PHF11: variants seen among roughly 807,000 people sequenced by gnomAD.
PHF11 encodes the protein BRCA1 C-terminus-associated protein.
In PHF11, 38 loss-of-function variants were observed where a neutral mutation model predicts 40.5. That is an observed-to-expected ratio of 0.94 (90% confidence interval 0.72 to 1.23). The LOEUF (loss-of-function observed/expected upper bound fraction) is 1.23. PHF11 is among the 50% of genes most tolerant of loss of function. The pLI, the probability that PHF11 is intolerant of heterozygous loss-of-function variation, is 0.00. For synonymous variants in PHF11, 127 were observed against 138.2 expected, an observed-to-expected ratio of 0.92 and a Z score of 0.57; for missense variants, 369 against 392.4, an observed-to-expected ratio of 0.94 and a Z score of 0.50.
intron 8 of PHF11, 78 bp from the exon 9 acceptor site, chr13:49,526,309 T>G: frequency 1.1e-6 from 1 of 879,376 alleles, no homozygotes; most frequent in Non-Finnish European, 1.9e-6. Context: ...CTTTCCCCTG[T>G]TTTGGATTAC....
chr13:49,510,216 G>T (rs1191469617), intron 2 of PHF11, among the ~76,000 whole-genome samples: 1 of 151,982 alleles, frequency 6.6e-6, no homozygotes, highest in Non-Finnish European at 1.5e-5. Flanking sequence ...TGTAGAGATG[G>T]GGTTTTGCCA....
At chr13:49,496,948 C>T (rs1363873470) in intron 1 of PHF11, 2 of 627,208 alleles carry the variant, frequency 3.2e-6, no homozygotes, top group Non-Finnish European at 4.5e-6. Flanking sequence ...ATTCTCCTGC[C>T]TCAGCCTCCC....
chr13:49,502,330 A>C (rs571578715), intron 1 of PHF11, among the ~76,000 whole-genome samples: 2 of 151,792 alleles, frequency 1.3e-5, no homozygotes, highest in Non-Finnish European at 2.9e-5. Context: ...AATTAAAATA[A>C]ATTAAAATTC....
In PHF11 at chr13:49,504,944, C is replaced by T. The variant is rs968919346; in HGVS notation, c.95-1691C>T. Among the ~76,000 whole-genome samples, 39 of 149,744 alleles carry T rather than the reference C, an allele frequency of 2.6e-4. 1 individual carries two copies. The highest frequency in any genetic ancestry group is 1.9e-3 in the Admixed American group (29 of 15,030). On this transcript the variant is annotated intron_variant, in intron 1 of 9. Coordinates refer to ENST00000378319, the MANE Select transcript of PHF11 (RefSeq NM_001040443.3). Reference sequence around the variant, plus strand: ...AACCCTGTGCTCTCTGAAACATGTGCTGTGTCCACTCAGGGTTAAATGGAT... The same window carrying T: ...AACCCTGTGCTCTCTGAAACATGTGTTGTGTCCACTCAGGGTTAAATGGAT...
intron 9 of PHF11, among the ~76,000 whole-genome samples, chr13:49,526,914 G>A (rs923333151): frequency 2.6e-5 from 4 of 152,250 alleles, no homozygotes; most frequent in Admixed American, 6.5e-5. Context: ...CTTGGGTGGC[G>A]AGGCTATGAT....
At chr13:49,516,069 G>A (rs552751966) in intron 3 of PHF11, among the ~76,000 whole-genome samples, 2 of 152,110 alleles carry the variant, frequency 1.3e-5, no homozygotes, top group East Asian at 3.9e-4. Flanking sequence ...TTGCATCTGG[G>A]AGCTCTTACT....
At chr13:49,527,549 A>G (rs1312058759) in intron 9 of PHF11, among the ~76,000 whole-genome samples, 2 of 152,230 alleles carry the variant, frequency 1.3e-5, no homozygotes, top group Non-Finnish European at 2.9e-5. Context: ...CCAGCAGGAA[A>G]AATACTTTGA....
At chr13:49,521,475 C>G (rs1959187344) in intron 5 of PHF11, 1 of 986,124 alleles carries the variant, frequency 1.0e-6, no homozygotes, top group Admixed American at 6.1e-5. Context: ...AGACTTCGTT[C>G]TGCGTCATGC....
intron 3 of PHF11, among the ~76,000 whole-genome samples, chr13:49,517,029 T>C (rs1472532203): frequency 6.6e-6 from 1 of 152,232 alleles, no homozygotes; most frequent in Non-Finnish European, 1.5e-5. Context: ...GTTCGAGCTT[T>C]AATCCATGTA....
At chr13:49,501,024 T>TTTTTTTG (rs1958899838) in intron 1 of PHF11, among the ~76,000 whole-genome samples, 1 of 147,342 alleles carries the variant, frequency 6.8e-6, no homozygotes, top group Non-Finnish European at 1.5e-5. Context: ...TTGGTTTTTT[T>TTTTTTTG]TTTTCTGAAA....
chr13:49,521,029 G>C, intron 5 of PHF11, 89 bp downstream of exon 5: 1 of 1,445,924 alleles, frequency 6.9e-7, no homozygotes, highest in South Asian at 1.4e-5. Flanking sequence ...TAGCCTCGTT[G>C]AATTAAAATA....
chr13:49,516,404 A>G (rs915033155), intron 3 of PHF11, among the ~76,000 whole-genome samples: 11 of 151,136 alleles, frequency 7.3e-5, no homozygotes, highest in Non-Finnish European at 5.9e-5. Flanking sequence ...AAATGAATAA[A>G]TGTTTATTAG....
In PHF11 at chr13:49,524,147, C is replaced by G. The variant is rs754049771; in HGVS notation, c.700C>G (p.Leu234Val). 16 of 1,604,788 alleles carry G rather than the reference C, an allele frequency of 1.0e-5. No homozygotes were observed. The highest frequency in any genetic ancestry group is 1.4e-5 in the Non-Finnish European group (16 of 1,172,294). The change falls in exon 8 of 10, where the codon CTT becomes GTT. Residue 234 changes from leucine (L) to valine (V), a missense_variant. Coordinates refer to ENST00000378319, the MANE Select transcript of PHF11 (RefSeq NM_001040443.3). ...CKEAGLLNYLLEEILDKVHSI... is the reference protein window; with the variant it reads ...CKEAGLLNYLVEEILDKVHSI... ...GGAAGCAGGACTTCTTAATTACTTA[C>G]TTGAAGAAATATTAGACAAAGTTCA...
At chr13:49,504,323 A>G (rs1043758899) in intron 1 of PHF11, among the ~76,000 whole-genome samples, 68 of 151,996 alleles carry the variant, frequency 4.5e-4, no homozygotes, top group Admixed American at 3.4e-3. Flanking sequence ...ATGGTGGCCT[A>G]TATCTGTGGT....
intron 2 of PHF11, among the ~76,000 whole-genome samples, chr13:49,509,412 C>T (rs1020118602): frequency 2.6e-5 from 4 of 152,058 alleles, no homozygotes; most frequent in African/African-American, 7.3e-5. Flanking sequence ...TGGGGTTTCA[C>T]GTGTTAGCCA....
In PHF11 at chr13:49,524,100, T is replaced by C; in HGVS notation, c.653T>C (p.Val218Ala). 1 of 1,607,200 alleles carries C rather than the reference T, an allele frequency of 6.2e-7. No individual in the cohort carries two copies. Among genetic ancestry groups the C allele is most frequent in the Non-Finnish European group, 8.5e-7 (1 of 1,176,426 alleles). Residue 218 changes from valine (V) to alanine (A), a missense_variant, in exon 8 of 10, where the codon GTT becomes GCT. Transcript: ENST00000378319. ...HGRHTDATVK[V>A]PFLKKCKEAG... ...TTATTCTTAGATGCAACTGTGAAAG[T>C]TCCTTTTCTTAAGAAATGCAAGGAA...
At chr13:49,503,926 G>T (rs548775877) in intron 1 of PHF11, among the ~76,000 whole-genome samples, 2 of 152,206 alleles carry the variant, frequency 1.3e-5, no homozygotes, top group East Asian at 3.9e-4. Context: ...GTAGTGACAT[G>T]TTGGCCAAGC....
At chr13:49,520,987 A>G (rs1959185069) in intron 5 of PHF11, 47 bp downstream of exon 5, 2 of 1,521,086 alleles carry the variant, frequency 1.3e-6, no homozygotes, top group Non-Finnish European at 1.8e-6. Context: ...AAAGGTAAAC[A>G]TTTATGTAAC....
At chr13:49,506,295 G>A (rs759409325) in intron 1 of PHF11, among the ~76,000 whole-genome samples, 4 of 151,532 alleles carry the variant, frequency 2.6e-5, no homozygotes, top group Non-Finnish European at 5.9e-5. Context: ...CCAGTGACTT[G>A]AGAGGACCAC....
Sources: allele counts gnomAD v4.1 joint callset (sites outside exome capture counted in the v4.1 genomes callset), GRCh38; gene constraint gnomAD v4.1.1; transcripts MANE v1.5; gene names NCBI Gene and HGNC (gene_info 2026-07-23, HGNC 2026-07-21).